SPOP: variants seen among roughly 807,000 people sequenced by gnomAD.
SPOP encodes the protein speckle-type POZ protein.
SPOP carries 11 observed loss-of-function variants against 45.6 expected under a neutral mutation model. That is an observed-to-expected ratio of 0.24 (90% CI 0.15 to 0.40). The LOEUF is 0.40. Among genes scored for constraint, SPOP ranks in the 10% least tolerant of loss-of-function variants. The pLI, the probability that SPOP is intolerant of heterozygous loss-of-function variation, is 1.00. For synonymous variants in SPOP, 166 were observed against 166.3 expected, an observed-to-expected ratio of 1.00 and a Z score of 0.01; for missense variants, 152 against 465.6, an observed-to-expected ratio of 0.33 and a Z score of 6.20.
At chr17:49,616,115 A>G (rs2072080251) in intron 5 of SPOP, among the ~76,000 whole-genome samples, 1 of 152,228 alleles carries the variant, frequency 6.6e-6, no homozygotes, top group Admixed American at 6.5e-5. Flanking sequence ...TTTGTCTGAA[A>G]GTGAACTCAA....
At chr17:49,620,917 A>G (rs1356744575) in intron 3 of SPOP, among the ~76,000 whole-genome samples, 2 of 152,244 alleles carry the variant, frequency 1.3e-5, no homozygotes, top group African/African-American at 4.8e-5. Flanking sequence ...GGATTTAAAT[A>G]CAATGTCTAA....
chr17:49,628,309 G>A (rs530881756), intron 1 of SPOP, among the ~76,000 whole-genome samples: 1 of 152,204 alleles, frequency 6.6e-6, no homozygotes, highest in South Asian at 2.1e-4. Flanking sequence ...AGACCTCTTC[G>A]AGTTACATAA....
chr17:49,614,452 C>A (rs973912826), intron 5 of SPOP, among the ~76,000 whole-genome samples: 1 of 152,096 alleles, frequency 6.6e-6, no homozygotes, highest in African/African-American at 2.4e-5. Context: ...TTCAGACATA[C>A]AAATAATAAA....
intron 1 of SPOP, among the ~76,000 whole-genome samples, chr17:49,665,798 A>G (rs2143551703): frequency 6.6e-6 from 1 of 151,496 alleles, no homozygotes; most frequent in East Asian, 2.0e-4. Context: ...AGCCTGGCCA[A>G]CATGCTGAAA....
At chr17:49,673,904 T>C (rs1203799400) in intron 1 of SPOP, among the ~76,000 whole-genome samples, 2 of 151,994 alleles carry the variant, frequency 1.3e-5, no homozygotes, top group East Asian at 1.9e-4. Flanking sequence ...CCCAGCACTT[T>C]GGGAGGCCAA....
chr17:49,603,802 T>A (rs1028004529), intron 8 of SPOP, among the ~76,000 whole-genome samples: 4 of 152,256 alleles, frequency 2.6e-5, no homozygotes, highest in African/African-American at 9.6e-5. Context: ...TTCTCATTCA[T>A]AAATTTAAAG....
chr17:49,607,708 A>G (rs1396920808), intron 7 of SPOP, among the ~76,000 whole-genome samples, 166 bp downstream of exon 7: 3 of 152,124 alleles, frequency 2.0e-5, no homozygotes, highest in Non-Finnish European at 2.9e-5. Flanking sequence ...TGCTTTACCC[A>G]TAATACTTCT....
At chr17:49,624,331 G>GCACACA (rs58009760) in intron 1 of SPOP, among the ~76,000 whole-genome samples, 6,946 of 149,224 alleles carry the variant, frequency 0.047, 180 homozygotes, top group Middle Eastern at 0.069. Flanking sequence ...GCGCGCGCGC[G>GCACACA]CACACACACA....
At chr17:49,623,243 G>C (rs2072256607) in intron 1 of SPOP, among the ~76,000 whole-genome samples, 1 of 152,014 alleles carries the variant, frequency 6.6e-6, no homozygotes, top group African/African-American at 2.4e-5. Flanking sequence ...CTCGACCTCA[G>C]GTGATCCACC....
chr17:49,622,203 C>A, intron 2 of SPOP, 136 bp from the exon 3 acceptor site: 1 of 1,116,686 alleles, frequency 9.0e-7, no homozygotes, highest in South Asian at 1.3e-5. Flanking sequence ...AGGTTTTTCT[C>A]ACCTTATGTT....
At chr17:49,610,791 C>T (rs993239637) in intron 6 of SPOP, among the ~76,000 whole-genome samples, 1 of 152,142 alleles carries the variant, frequency 6.6e-6, no homozygotes, top group Non-Finnish European at 1.5e-5. Flanking sequence ...GTCTTGAAAA[C>T]CATGGGCCTA....
chr17:49,645,065 A>G (rs1308208720), intron 1 of SPOP, among the ~76,000 whole-genome samples: 1 of 152,222 alleles, frequency 6.6e-6, no homozygotes, highest in Non-Finnish European at 1.5e-5. Flanking sequence ...GACTTGTGAT[A>G]TAGGAAAAAA....
intron 8 of SPOP, 120 bp downstream of exon 8, chr17:49,607,130 G>A (rs564426311): frequency 5.8e-5 from 75 of 1,293,324 alleles, no homozygotes; most frequent in African/African-American, 3.2e-4. Context: ...AACCAGGACC[G>A]TCTTGGCCAA....
In SPOP at chr17:49,619,803, G is replaced by A. The variant is rs1021627844; in HGVS notation, c.201-418C>T. 5.3e-5 allele frequency among the ~76,000 whole-genome samples: 8 copies of A among 152,110 alleles called. No individual in the cohort carries two copies. Among genetic ancestry groups the A allele is most frequent in the Non-Finnish European group, 1.0e-4 (7 of 68,022 alleles). Reference sequence around the variant, plus strand: ...GCCTCCCAGAGTGCTGGGATTACAGGAATAAGCAACCACACCTGGCTGGGA... The same window carrying A: ...GCCTCCCAGAGTGCTGGGATTACAGAAATAAGCAACCACACCTGGCTGGGA... On this transcript the variant is annotated intron_variant, in intron 3 of 9. Transcript: ENST00000504102. The surrounding 1 kb of genome is among the most constrained non-coding windows in gnomAD (Gnocchi z 4.9).
intron 1 of SPOP, among the ~76,000 whole-genome samples, chr17:49,664,032 C>T (rs1210799863): frequency 6.6e-6 from 1 of 152,052 alleles, no homozygotes; most frequent in African/African-American, 2.4e-5. Context: ...CCCAAAAGAC[C>T]GCAGCATGAT....
intron 5 of SPOP, among the ~76,000 whole-genome samples, chr17:49,615,989 G>A (rs1203858000): frequency 2.0e-5 from 3 of 152,142 alleles, no homozygotes; most frequent in South Asian, 4.1e-4. Flanking sequence ...TTCCAAATAA[G>A]TTAACTAAGC....
intron 1 of SPOP, among the ~76,000 whole-genome samples, chr17:49,667,073 G>A (rs1409655263): frequency 1.3e-5 from 2 of 151,504 alleles, no homozygotes; most frequent in African/African-American, 2.4e-5. Flanking sequence ...AGCTACTCGG[G>A]AGGCAGAGGC....
intron 1 of SPOP, among the ~76,000 whole-genome samples, chr17:49,668,878 G>A (rs915050876): frequency 4.7e-5 from 7 of 150,512 alleles, no homozygotes; most frequent in African/African-American, 9.8e-5. Flanking sequence ...CCAGGTTCCC[G>A]CCATTCTCCT....
At chr17:49,665,694 A>ACACACACACC (rs1225412700) in intron 1 of SPOP, among the ~76,000 whole-genome samples, 8 of 142,082 alleles carry the variant, frequency 5.6e-5, no homozygotes, top group Admixed American at 2.1e-4. Flanking sequence ...ACACACACAC[A>ACACACACACC]CCAATCTGGC....
Sources: allele counts gnomAD v4.1 joint callset (sites outside exome capture counted in the v4.1 genomes callset), GRCh38; gene constraint gnomAD v4.1.1; non-coding constraint Gnocchi (gnomAD v3.1); transcripts MANE v1.5; gene names NCBI Gene and HGNC (gene_info 2026-07-23, HGNC 2026-07-21).